Variants in CFAP410 observed in about 807,000 individuals in gnomAD.
CFAP410 encodes the protein cilia and flagella associated protein 410, also known as cilia- and flagella-associated protein 410.
In CFAP410, 27 loss-of-function variants were observed where a neutral mutation model predicts 25.7. The observed-to-expected ratio is 1.05, with a 90% CI of 0.77 to 1.45. The LOEUF is 1.45. Ranked by LOEUF, CFAP410 falls within the 40% of genes most tolerant of loss-of-function variation. The pLI is 0.00. For synonymous variants in CFAP410, 178 were observed against 158.4 expected (o/e 1.12, Z -0.93); for missense variants, 428 against 354.1 (o/e 1.21, Z -1.67).
chr21:44,332,273 ACTC>A (rs2047664152), intron 4 of CFAP410: 1 of 430,394 alleles, frequency 2.3e-6, no homozygotes. Context: ...AGAAGCAAAT[ACTC>A]CTCAAAACCT....
Position 44,330,807 on chromosome 21 carries a change from G to C in CFAP410, c.642+16C>G. 7 of 1,578,624 alleles carry C rather than the reference G, an allele frequency of 4.4e-6. No homozygotes were observed. Among genetic ancestry groups the C allele is most frequent in the Non-Finnish European group, 6.0e-6 (7 of 1,162,962 alleles). The stretch of plus-strand genomic sequence containing the variant: ...TGGGCAGAGGCAGCCGCGGCCCCTA[G>C]CGGCCCGCCACTCACCCTGCCCCTG... On this transcript the variant is annotated intron_variant, in intron 6 of 6. Transcript: ENST00000339818.
chr21:44,330,408 G>T, intron 6 of CFAP410, 82 bp from the exon 7 acceptor site: 1 of 1,567,690 alleles, frequency 6.4e-7, no homozygotes. Flanking sequence ...CTGGCCAGCG[G>T]TGCCCCACCA....
In CFAP410 at chr21:44,329,965, C is replaced by G; in HGVS notation, c.*233G>C. ...TTTAAGAGCCCAGGCCAGCCTAGAA[C>G]CTCCAGACCACAGAAGGGGAGTCCT... On this transcript the variant is annotated 3_prime_UTR_variant, in exon 7 of 7. Coordinates refer to ENST00000339818, the MANE Select transcript of CFAP410 (RefSeq NM_004928.3). The G allele has an allele frequency of 1.9e-6, 1 of 531,112 alleles. No homozygotes were observed. Among genetic ancestry groups the G allele is most frequent in the Non-Finnish European group, 3.3e-6 (1 of 302,208 alleles). The allele number at this position is 531,112 out of a possible 1,614,324, so 32.9% of individuals were successfully genotyped here. A position where few individuals can be genotyped will look rare whatever the true frequency, so the allele number is the denominator to read the frequency against.
Position 44,339,284 on chromosome 21 carries a change from GC to G in CFAP410, c.-91del. On this transcript the variant is annotated 5_prime_UTR_variant, in exon 1 of 7. Transcript: ENST00000339818. ...CGCGGCGCGTGTCTCCAGGGGCGGG[GC>G]CCGCGTCGTCAGGGGCGGATCCTGA... 1.2e-6 allele frequency: 1 copy of G among 811,340 alleles called. No individual in the cohort carries two copies. The allele number at this position is 811,340 out of a possible 1,614,324, so 50.3% of individuals were successfully genotyped here. A position where few individuals can be genotyped will look rare whatever the true frequency, so the allele number is the denominator to read the frequency against.
rs760816407 is a variant in CFAP410, at chr21:44,330,647, GCATT to G, written c.642+172_642+175del. On this transcript the variant is annotated intron_variant, in intron 6 of 6. Coordinates refer to ENST00000339818, the MANE Select transcript of CFAP410 (RefSeq NM_004928.3). ...CGGGGCACGTGTTACACGTGTGTGC[GCATT>G]CACAGACCCGCACACGCAGCTCCCC... 6.5e-5 allele frequency: 100 copies of G among 1,548,640 alleles called. No individual in the cohort carries two copies. Among genetic ancestry groups the G allele is most frequent in the Non-Finnish European group, 8.1e-5 (93 of 1,146,648 alleles).
chr21:44,334,133 TACCG>T (rs1287665214), intron 3 of CFAP410: 1 of 456,310 alleles, frequency 2.2e-6, no homozygotes. Flanking sequence ...CAGCGTGATG[TACCG>T]ACCGCGTCCG....
In CFAP410 at chr21:44,331,889, C is replaced by T. The variant is rs200411422; in HGVS notation, c.499G>A (p.Ala167Thr). 479 of 1,612,776 alleles carry T rather than the reference C, an allele frequency of 3.0e-4. 1 individual carries two copies. The highest frequency in any genetic ancestry group is 1.1e-4 in the South Asian group (10 of 90,970). ...LCCTLSSLSSAAETGRDPLDS... is the reference protein window; with the variant it reads ...LCCTLSSLSSTAETGRDPLDS... ...AGCGGGTCCCGGCCAGTCTCAGCAG[C>T]GGAGCTGAGGGAGCTCAGTGTGCAG... The change falls in exon 5 of 7, where the codon GCT (alanine) becomes ACT (threonine). Residue 167 changes from alanine to threonine, a missense_variant. Ala to Thr is a moderately conservative substitution (Grantham distance 58). Transcript: ENST00000339818.
At chr21:44,335,877 A>C (rs1007708455) in intron 2 of CFAP410, 73 bp from the exon 3 acceptor site, 1 of 1,210,502 alleles carries the variant, frequency 8.3e-7, no homozygotes, top group African/African-American at 1.7e-5. Context: ...TCAGCCACAG[A>C]GAACTGTCGA....
intron 5 of CFAP410, chr21:44,331,516 G>A: frequency 2.7e-6 from 1 of 371,328 alleles, no homozygotes; most frequent in Non-Finnish European, 4.9e-6. Context: ...TGTGGCCCTA[G>A]GCCACCCCCC....
At chr21:44,333,597 G>A (rs767646741) in intron 3 of CFAP410, 19 of 447,600 alleles carry the variant, frequency 4.2e-5, no homozygotes, top group Admixed American at 3.8e-4. Flanking sequence ...AGGCCTCTCA[G>A]GGGACATATC....
In CFAP410 at chr21:44,333,162, A is replaced by C. The variant is rs755673924; in HGVS notation, c.244T>G (p.Tyr82Asp). The C allele has an allele frequency of 3.1e-6, 5 of 1,612,720 alleles. No individual in the cohort carries two copies. Among genetic ancestry groups the C allele is most frequent in the Non-Finnish European group, 4.2e-6 (5 of 1,179,866 alleles). ...NRIPSLAELF[Y>D]LKGLPRLRVL... ...CGCAGACGCGGCAGCCCCTTCAGGTAGAAGAGCTCAGCCAGGCTGGGGATG... is the reference window on the plus strand; with the variant it reads ...CGCAGACGCGGCAGCCCCTTCAGGTCGAAGAGCTCAGCCAGGCTGGGGATG... Residue 82 changes from tyrosine (Y) to aspartate (D), a missense_variant, in exon 4 of 7, where the codon TAC (tyrosine) becomes GAC (aspartate). Coordinates refer to ENST00000339818, the MANE Select transcript of CFAP410 (RefSeq NM_004928.3).
At position 44,335,783 on chromosome 21, in the gene CFAP410, G is replaced by A. The variant is rs868517153; in HGVS notation, c.118C>T (p.Pro40Ser). 1 of 1,592,234 alleles carries A rather than the reference G, an allele frequency of 6.3e-7. No individual in the cohort carries two copies. The highest frequency in any genetic ancestry group is 8.6e-7 in the Non-Finnish European group (1 of 1,168,438). ...CTGAGCGTGATCACCTCCAGGCTGG[G>A]CATCTCCTGGCAAATGGAGATCTAG... Reference protein sequence around the residue: ...LTDISICQEMPSLEVITLSVN... With the variant: ...LTDISICQEMSSLEVITLSVN... Residue 40 changes from proline (P) to serine (S), a missense_variant, in exon 3 of 7, where the codon CCC (proline) becomes TCC (serine). Coordinates refer to ENST00000339818, the MANE Select transcript of CFAP410 (RefSeq NM_004928.3).
In CFAP410 at chr21:44,333,042, C is replaced by G. The variant is rs1602079250; in HGVS notation, c.364G>C (p.Asp122His). 6.3e-7 allele frequency: 1 copy of G among 1,591,004 alleles called. No individual in the cohort carries two copies. The highest frequency in any genetic ancestry group is 1.7e-5 in the Admixed American group (1 of 58,808). Residue 122 changes from aspartate to histidine, a missense_variant, in exon 4 of 7, where the codon GAC (aspartate) becomes CAC (histidine). Coordinates refer to ENST00000339818, the MANE Select transcript of CFAP410 (RefSeq NM_004928.3). ...LRTLPRLQKL[D>H]NQAVTEEELS... ...CGCTGCGGCCACCTACCCTGGTTGT[C>G]CAGCTTCTGTAGGCGCGGCAGGGTG...
chr21:44,333,123 C>G lies in CFAP410; in HGVS notation c.283G>C (p.Ala95Pro), dbSNP rs1267791643. Residue 95 changes from alanine to proline, a missense_variant, in exon 4 of 7, where the codon GCC (alanine) becomes CCC (proline). Coordinates refer to ENST00000339818, the MANE Select transcript of CFAP410 (RefSeq NM_004928.3). The part of the protein sequence containing the change: ...GLPRLRVLWL[A>P]ENPCCGTSPH... ...CTGGTGCCGCAGCACGGGTTCTCGG[C>G]CAGCCACAGCACCCGCAGACGCGGC... The G allele has an allele frequency of 2.5e-6, 4 of 1,611,430 alleles. No individual in the cohort carries two copies. In the African/African-American group the frequency reaches 4.0e-5, roughly 16 times the overall value.
Position 44,334,522 on chromosome 21 carries a change from C to CCCTCAACCTCTGGGCGGGCACACGCA in CFAP410, c.143+1235_143+1236insTGCGTGTGCCCGCCCAGAGGTTGAGG. 1.0e-5 allele frequency: 2 copies of CCCTCAACCTCTGGGCGGGCACACGCA among 190,854 alleles called. 1 individual carries two copies. Among genetic ancestry groups the CCCTCAACCTCTGGGCGGGCACACGCA allele is most frequent in the South Asian group, 7.1e-5 (2 of 28,156 alleles). The allele number at this position is 190,854 out of a possible 1,614,324, so 11.8% of individuals were successfully genotyped here. On this transcript the variant is annotated intron_variant, in intron 3 of 6. Transcript: ENST00000339818. ...ACCTCTGGGCGGGCACGCGCACCCC[C>CCCTCAACCTCTGGGCGGGCACACGCA]CCCCCCCCCCCGCTCAACCTCTGGG...
Position 44,331,857 on chromosome 21 carries a change from G to T in CFAP410, c.531C>A (p.Ser177Arg). Reference sequence around the variant, plus strand: ...TCCAGCCTCACGTTGCCTCCTCCTCGCTGTCCAGCGGGTCCCGGCCAGTCT... The same window carrying T: ...TCCAGCCTCACGTTGCCTCCTCCTCTCTGTCCAGCGGGTCCCGGCCAGTCT... ...AAETGRDPLD[S>R]EEEATSGAQD... The change falls in exon 5 of 7, where the codon AGC becomes AGA. Residue 177 changes from serine (S) to arginine (R), a missense_variant. Transcript: ENST00000339818. 1 of 1,610,946 alleles carries T rather than the reference G, an allele frequency of 6.2e-7. No homozygotes were observed. The highest frequency in any genetic ancestry group is 8.5e-7 in the Non-Finnish European group (1 of 1,179,492).
In CFAP410 at chr21:44,330,158, G is replaced by A. The variant is rs976822584; in HGVS notation, c.*40C>T. ...CTCCCGGGGGCTGGGGAAGACGCTG[G>A]GGTCCCCGTGGAGGCTGGAGCGGCG... On this transcript the variant is annotated 3_prime_UTR_variant, in exon 7 of 7. Coordinates refer to ENST00000339818, the MANE Select transcript of CFAP410 (RefSeq NM_004928.3). 1.3e-6 allele frequency: 2 copies of A among 1,539,294 alleles called. No homozygotes were observed. Among genetic ancestry groups the A allele is most frequent in the Non-Finnish European group, 1.7e-6 (2 of 1,148,210 alleles).
intron 5 of CFAP410, chr21:44,331,250 C>T (rs1292261797): frequency 9.4e-6 from 4 of 426,918 alleles, no homozygotes; most frequent in Non-Finnish European, 1.7e-5. Context: ...ACCATGGGGT[C>T]AGGCCCTGTG....
chr21:44,335,377 G>C (rs1324955320), intron 3 of CFAP410: 1 of 283,832 alleles, frequency 3.5e-6, no homozygotes. Flanking sequence ...GGGGGTCCCA[G>C]GGCAGATGTG....
Sources: gnomAD v4.1 joint callset for allele counts on GRCh38, gnomAD v4.1.1 for gene constraint, MANE v1.5 for transcripts, NCBI Gene and HGNC (gene_info 2026-07-23, HGNC 2026-07-21) for gene names.